Variants in AMPD3 observed in about 807,000 individuals in gnomAD.
AMPD3 encodes the protein AMP deaminase 3.
Under a neutral mutation model 82.3 loss-of-function variants are expected in AMPD3, and 57 were observed. The observed-to-expected ratio is 0.69, with a 90% CI of 0.56 to 0.86. AMPD3 has a LOEUF of 0.86. Among genes scored for constraint, AMPD3 ranks in the 40% least tolerant of loss-of-function variants. AMPD3 has a pLI of 0.00. For missense variants in AMPD3, 870 were observed against 1,003.8 expected, an observed-to-expected ratio of 0.87 and a Z score of 1.80; for synonymous variants, 381 against 394.7, an observed-to-expected ratio of 0.97 and a Z score of 0.41.
Position 10,505,849 on chromosome 11 carries a change from A to G in AMPD3, c.2269A>G (p.Met757Val), listed in dbSNP as rs764981023. 1 of 1,614,204 alleles carries G rather than the reference A, an allele frequency of 6.2e-7. No individual in the cohort carries two copies. The highest frequency in any genetic ancestry group is 8.5e-7 in the Non-Finnish European group (1 of 1,180,036). The change falls in exon 15 of 15, where the codon ATG becomes GTG. Residue 757 changes from methionine (M) to valine (V), a missense_variant. Physicochemically the swap from Met to Val is conservative, Grantham distance 21 (BLOSUM62 1). Coordinates refer to ENST00000396553, the MANE Select transcript of AMPD3 (RefSeq NM_001025389.2). ...TGAGCTCAGCTTCCTGTCTGATGCT[A>G]TGAAATCAGAAGAGATCACCGCCTT... ...CNELSFLSDA[M>V]KSEEITALTN
At chr11:10,493,631 G>C (rs557772732) in intron 7 of AMPD3, 88 bp downstream of exon 7, 1 of 1,441,566 alleles carries the variant, frequency 6.9e-7, no homozygotes, top group Non-Finnish European at 9.6e-7. Context: ...GATTGTGCTT[G>C]CCGGGAGGTG....
At chr11:10,460,283 G>A (rs1265784140) in intron 1 of AMPD3, among the ~76,000 whole-genome samples, 1 of 150,706 alleles carries the variant, frequency 6.6e-6, no homozygotes, top group Non-Finnish European at 1.5e-5. Flanking sequence ...ATCTTTTTTA[G>A]GGATGAGGTT....
At chr11:10,495,908 C>G (rs995167468) in intron 9 of AMPD3, among the ~76,000 whole-genome samples, 175 bp downstream of exon 9, 9 of 149,216 alleles carry the variant, frequency 6.0e-5, no homozygotes, top group African/African-American at 1.7e-4. Context: ...CTGCATGACA[C>G]TAGAGCTCTT....
At position 10,504,533 on chromosome 11, in the gene AMPD3, T is replaced by C. The variant is rs1209295641; in HGVS notation, c.2017-16T>C. On this transcript the variant is annotated splice_polypyrimidine_tract_variant and intron_variant, in intron 13 of 14. Transcript: ENST00000396553. ...TATCCCCCCTTCTAATCCACATGCT[T>C]TGGGGGAGGATCTAGGAAGCACTTA... The C allele has an allele frequency of 1.2e-6, 2 of 1,603,928 alleles. No individual in the cohort carries two copies. The highest frequency in any genetic ancestry group is 2.2e-5 in the East Asian group (1 of 44,858).
chr11:10,499,776 T>C (rs1849523497), intron 10 of AMPD3: 3 of 985,440 alleles, frequency 3.0e-6, no homozygotes, highest in East Asian at 2.3e-4. Context: ...GTGGTGGCCA[T>C]GGCTGCTTTG....
At chr11:10,467,317 A>G (rs1848449893) in intron 2 of AMPD3, among the ~76,000 whole-genome samples, 1 of 152,210 alleles carries the variant, frequency 6.6e-6, no homozygotes, top group African/African-American at 2.4e-5. Context: ...TTAGAGAAGA[A>G]CATAAATGAC....
intron 6 of AMPD3, among the ~76,000 whole-genome samples, chr11:10,489,629 T>C (rs1849182657): frequency 6.6e-6 from 1 of 151,926 alleles, no homozygotes; most frequent in Non-Finnish European, 1.5e-5. Context: ...AGGTCTGCTA[T>C]GAGTCAGGTC....
In AMPD3 at chr11:10,500,128, G is replaced by A. The variant is rs750200570; in HGVS notation, c.1600G>A (p.Asp534Asn). 43 of 1,614,030 alleles carry A rather than the reference G, an allele frequency of 2.7e-5. No individual in the cohort carries two copies. Among genetic ancestry groups the A allele is most frequent in the East Asian group, 4.5e-5 (2 of 44,886 alleles). Residue 534 changes from aspartate to asparagine, a missense_variant, in exon 11 of 15, where the codon GAC (aspartate) becomes AAC (asparagine). Transcript: ENST00000396553. The part of the protein sequence containing the change: ...DSVDDESKHS[D>N]HMFSDKSPNP... Reference sequence around the variant, plus strand: ...CGTGGATGATGAGTCCAAGCACAGCGACCACATGTTTTCCGACAAGAGCCC... The same window carrying A: ...CGTGGATGATGAGTCCAAGCACAGCAACCACATGTTTTCCGACAAGAGCCC...
At chr11:10,490,166 A>G (rs1209451786) in intron 6 of AMPD3, among the ~76,000 whole-genome samples, 1 of 152,140 alleles carries the variant, frequency 6.6e-6, no homozygotes, top group African/African-American at 2.4e-5. Flanking sequence ...CTGTGAAGGC[A>G]CCTGTCACAC....
At chr11:10,486,218 A>C (rs954703417) in intron 5 of AMPD3, among the ~76,000 whole-genome samples, 1 of 151,568 alleles carries the variant, frequency 6.6e-6, no homozygotes, top group African/African-American at 2.4e-5. Flanking sequence ...CTCCCTTCCG[A>C]CTCTGAGGCT....
In AMPD3 at chr11:10,497,722, T is replaced by C; in HGVS notation, c.1557+784T>C. 6 of 984,430 alleles carry C rather than the reference T, an allele frequency of 6.1e-6. No homozygotes were observed. In the South Asian group the frequency reaches 2.4e-4, roughly 39 times the overall value. The allele number at this position is 984,430 out of a possible 1,614,324, so 61.0% of individuals were successfully genotyped here. A position where few individuals can be genotyped will look rare whatever the true frequency, so the allele number is the denominator to read the frequency against. ...GAGTTGGCCCAGAAGAGAAGGTAGC[T>C]GGAGGTGGGGGCAGGGGTGAGAGTC... On this transcript the variant is annotated intron_variant, in intron 10 of 14. Transcript: ENST00000396553.
At chr11:10,488,088 C>G (rs980743718) in intron 6 of AMPD3, 4 of 382,756 alleles carry the variant, frequency 1.0e-5, no homozygotes, top group Non-Finnish European at 1.4e-5. Context: ...TAAAGAAAAG[C>G]CTCTGATATG....
intron 7 of AMPD3, chr11:10,494,596 T>C: frequency 1.0e-6 from 1 of 985,402 alleles, no homozygotes; most frequent in South Asian, 4.7e-5. Context: ...GGGAATGTTC[T>C]ATTATTCAGT....
intron 10 of AMPD3, 82 bp downstream of exon 10, chr11:10,497,020 C>T: frequency 1.3e-6 from 2 of 1,550,944 alleles, no homozygotes; most frequent in Non-Finnish European, 1.8e-6. Flanking sequence ...CAGGCTTGCT[C>T]CTGCCCTTCA....
intron 2 of AMPD3, among the ~76,000 whole-genome samples, chr11:10,465,485 G>T (rs1292838425): frequency 6.6e-6 from 1 of 152,218 alleles, no homozygotes; most frequent in African/African-American, 2.4e-5. Context: ...ATGCAGAAGG[G>T]GGTGATTTCT....
intron 7 of AMPD3, chr11:10,493,777 C>A: frequency 3.4e-6 from 2 of 593,790 alleles, no homozygotes; most frequent in South Asian, 1.9e-5. Context: ...TAATCCCACT[C>A]CTGCCACTTA....
chr11:10,454,448 C>A (rs1212119146), upstream of AMPD3, among the ~76,000 whole-genome samples: 1 of 152,176 alleles, frequency 6.6e-6, no homozygotes, highest in Non-Finnish European at 1.5e-5. Context: ...CCTATGACAG[C>A]AGTTCTAGGA....
rs750374570 is a variant in AMPD3, at chr11:10,494,892, C to A, written c.1135-7C>A. 10 of 1,613,006 alleles carry A rather than the reference C, an allele frequency of 6.2e-6. No individual in the cohort carries two copies. The highest frequency in any genetic ancestry group is 4.4e-5 in the South Asian group (4 of 91,052). On this transcript the variant is annotated splice_region_variant and splice_polypyrimidine_tract_variant and intron_variant, in intron 7 of 14. Coordinates refer to ENST00000396553, the MANE Select transcript of AMPD3 (RefSeq NM_001025389.2). ...GATGCGTTGATTGGTGTGGTCTCCC[C>A]CCTCAGGGCCGGCAGACATTCCACC... is the stretch of plus-strand genomic sequence containing the variant.
chr11:10,468,765 A>G (rs1296148778), intron 2 of AMPD3, among the ~76,000 whole-genome samples: 1 of 152,250 alleles, frequency 6.6e-6, no homozygotes. Context: ...CAGCAAACGC[A>G]AAAGAATGGA....
Sources: gnomAD v4.1 joint callset for allele counts (sites outside exome capture counted in the v4.1 genomes callset) on GRCh38, gnomAD v4.1.1 for gene constraint, MANE v1.5 for transcripts, NCBI Gene and HGNC (gene_info 2026-07-23, HGNC 2026-07-21) for gene names.